The following FNIP2 variants were observed in gnomAD, a reference collection of about 807,000 sequenced individuals.
FNIP2 encodes the protein folliculin-interacting protein 2.
In FNIP2, 32 loss-of-function variants were observed where a neutral mutation model predicts 108.7. That is an observed-to-expected ratio of 0.29 (90% CI 0.22 to 0.40). The LOEUF is 0.40. FNIP2 is among the 10% of genes least tolerant of loss of function. The probability of loss-of-function intolerance (pLI) is 1.00; values close to 1 mark genes in which losing one functional copy is unlikely to be tolerated. For missense variants in FNIP2, 1,202 were observed against 1,381.6 expected (o/e 0.87, Z 2.06); for synonymous variants, 480 against 496.7 (o/e 0.97, Z 0.45).
intron 1 of FNIP2, among the ~76,000 whole-genome samples, chr4:158,781,977 A>G (rs1434746313): frequency 6.6e-6 from 1 of 152,150 alleles, no homozygotes; most frequent in Non-Finnish European, 1.5e-5. Flanking sequence ...AATACCTATC[A>G]ATCCTACTAC....
At chr4:158,886,470 C>T (rs1782030375) in intron 14 of FNIP2, among the ~76,000 whole-genome samples, 1 of 152,126 alleles carries the variant, frequency 6.6e-6, no homozygotes, top group Non-Finnish European at 1.5e-5. Flanking sequence ...GAGAGGGTGG[C>T]AGGAAGGTGC....
chr4:158,883,281 G>A (rs193240760), intron 14 of FNIP2, among the ~76,000 whole-genome samples: 1,963 of 151,960 alleles, frequency 0.013, 20 homozygotes, highest in Middle Eastern at 0.024. Context: ...TGGCTCTGTC[G>A]TCCAGGCTGG....
chr4:158,802,292 T>G (rs892453081), intron 1 of FNIP2, among the ~76,000 whole-genome samples: 11 of 152,338 alleles, frequency 7.2e-5, no homozygotes, highest in African/African-American at 2.6e-4. Context: ...GCTGTGGATC[T>G]TAAACCTCCC....
At chr4:158,833,941 T>C in intron 6 of FNIP2, 7 of 1,186,050 alleles carry the variant, frequency 5.9e-6, no homozygotes, top group Non-Finnish European at 7.6e-6. Context: ...TAATAAATCC[T>C]GTGCAGGTTC....
chr4:158,903,340 G>A (rs1421756294), intron 16 of FNIP2, among the ~76,000 whole-genome samples: 2 of 152,082 alleles, frequency 1.3e-5, no homozygotes, highest in Non-Finnish European at 2.9e-5. Context: ...AGATGAGCCG[G>A]GTACATCAGT....
intron 14 of FNIP2, among the ~76,000 whole-genome samples, chr4:158,879,621 C>G (rs1781472781): frequency 6.6e-6 from 1 of 150,438 alleles, no homozygotes. Context: ...AGAGCTTCTG[C>G]ATGGCAAAAG....
In FNIP2 at chr4:158,897,091, T is replaced by C. The variant is rs1446497427; in HGVS notation, c.3266+1226T>C. 2.0e-5 allele frequency among the ~76,000 whole-genome samples: 3 copies of C among 148,190 alleles called. No individual in the cohort carries two copies. In the East Asian group the frequency reaches 6.2e-4, roughly 30 times the overall value. ...CCCACGTATGAGGGAGCACATGCGG[T>C]GTTTGGTTTTCTGTTCCTGTGTTAG... On this transcript the variant is annotated intron_variant, in intron 16 of 16. Coordinates refer to ENST00000264433, the MANE Select transcript of FNIP2 (RefSeq NM_020840.3).
chr4:158,833,858 T>A (rs1013002325), intron 6 of FNIP2: 2 of 1,480,470 alleles, frequency 1.4e-6, no homozygotes, highest in Non-Finnish European at 1.8e-6. Flanking sequence ...GGAGGACCTC[T>A]CCGGCTCACC....
chr4:158,777,117 A>C (rs553062411), intron 1 of FNIP2, among the ~76,000 whole-genome samples: 60 of 152,362 alleles, frequency 3.9e-4, no homozygotes, highest in African/African-American at 1.4e-3. Flanking sequence ...CACAGCTGTC[A>C]GAAATGACCT....
At chr4:158,811,432 G>A (rs1174627730) in intron 1 of FNIP2, among the ~76,000 whole-genome samples, 3 of 152,080 alleles carry the variant, frequency 2.0e-5, no homozygotes, top group Admixed American at 2.0e-4. Flanking sequence ...AAAATGGAAG[G>A]GACTTTGACT....
At chr4:158,901,128 ATTTTTTTTTTT>A (rs140017298) in intron 16 of FNIP2, among the ~76,000 whole-genome samples, 503 of 112,300 alleles carry the variant, frequency 4.5e-3, no homozygotes, top group Middle Eastern at 0.033. Flanking sequence ...CTGGGTTGAA[ATTTTTTTTTTT>A]TTTTTTTTTT....
intron 14 of FNIP2, among the ~76,000 whole-genome samples, chr4:158,888,560 C>T (rs1034951414): frequency 1.3e-5 from 2 of 152,166 alleles, no homozygotes; most frequent in Admixed American, 1.3e-4. Flanking sequence ...ATTGTTCTTT[C>T]GTCTTTACTC....
chr4:158,869,501 T>G, intron 13 of FNIP2, 73 bp downstream of exon 13: 1 of 1,464,334 alleles, frequency 6.8e-7, no homozygotes, highest in Non-Finnish European at 9.0e-7. Flanking sequence ...ACCTGTGATG[T>G]TGTTAGCCAC....
intron 5 of FNIP2, among the ~76,000 whole-genome samples, chr4:158,832,735 A>G (rs947189567): frequency 6.6e-6 from 1 of 152,228 alleles, no homozygotes; most frequent in Non-Finnish European, 1.5e-5. Context: ...AACATTTAAC[A>G]TTGGAATGTC....
intron 1 of FNIP2, among the ~76,000 whole-genome samples, chr4:158,804,188 C>T (rs908457352): frequency 6.6e-6 from 1 of 152,110 alleles, no homozygotes; most frequent in Non-Finnish European, 1.5e-5. Context: ...ATGATCCGTC[C>T]ACCTCAGCCT....
intron 1 of FNIP2, among the ~76,000 whole-genome samples, chr4:158,775,372 C>T (rs760429393): frequency 2.6e-5 from 4 of 152,104 alleles, no homozygotes; most frequent in Non-Finnish European, 5.9e-5. Context: ...TGGTGAGTTC[C>T]TACTTACCAA....
At chr4:158,819,725 C>T (rs970589937) in intron 1 of FNIP2, among the ~76,000 whole-genome samples, 1 of 152,196 alleles carries the variant, frequency 6.6e-6, no homozygotes, top group Non-Finnish European at 1.5e-5. Context: ...GTATTTTGTG[C>T]TGACAGGGTG....
At chr4:158,853,149 A>G (rs1779792230) in intron 8 of FNIP2, among the ~76,000 whole-genome samples, 1 of 152,324 alleles carries the variant, frequency 6.6e-6, no homozygotes, top group South Asian at 2.1e-4. Context: ...TTATAATATC[A>G]TTATGTGATA....
Position 158,870,433 on chromosome 4 carries a change from G to T in FNIP2, c.2913G>T (p.Lys971Asn), listed in dbSNP as rs1242700740. Reference protein sequence around the residue: ...LHGTGSDEKLKQCLVADLVHT... With the variant: ...LHGTGSDEKLNQCLVADLVHT... ...GGACCGGCAGTGATGAGAAGCTGAA[G>T]CAGTGCCTGGTGGCCGACCTTGTCC... is the stretch of plus-strand genomic sequence containing the variant. The change falls in exon 14 of 17, where the codon AAG (lysine) becomes AAT (asparagine). Residue 971 changes from lysine (K) to asparagine (N), a missense_variant. Lys to Asn is a moderately conservative substitution (Grantham distance 94, BLOSUM62 0). This residue lies in a region of FNIP2 where 142 missense variants were observed against 183.8 expected (regional missense o/e 0.77). Transcript: ENST00000264433. The T allele has an allele frequency of 6.2e-7, 1 of 1,613,914 alleles. No individual in the cohort carries two copies. Among genetic ancestry groups the T allele is most frequent in the South Asian group, 1.1e-5 (1 of 91,068 alleles).
Sources: gnomAD v4.1 joint callset for allele counts (sites outside exome capture counted in the v4.1 genomes callset) on GRCh38, gnomAD v4.1.1 for gene constraint, gnomAD v4.1.1 regional missense constraint, MANE v1.5 for transcripts, NCBI Gene and HGNC (gene_info 2026-07-23, HGNC 2026-07-21) for gene names.